The following DCDC2C variants were observed in gnomAD, a reference collection of about 807,000 sequenced individuals.
The protein encoded by DCDC2C is doublecortin domain-containing protein 2C.
In DCDC2C, 44 loss-of-function variants were observed where a neutral mutation model predicts 45.0. The ratio of observed to expected loss-of-function variants is 0.98; its 90% CI spans 0.77 to 1.26. The LOEUF (loss-of-function observed/expected upper bound fraction) is 1.26. Among genes scored for constraint, DCDC2C ranks in the 50% most tolerant of loss-of-function variants. DCDC2C has a pLI of 0.00. For synonymous variants in DCDC2C, 187 were observed against 178.8 expected (o/e 1.05, Z -0.37); for missense variants, 447 against 468.9 (o/e 0.95, Z 0.43).
In DCDC2C at chr2:3,715,000, T is replaced by C. The variant is rs529348244; in HGVS notation, c.339+6400T>C. Reference sequence around the variant, plus strand: ...ATTTAAAAGAAAAACATATTCATAATCCTATCATTCAGAGATTAACCACTG... The same window carrying C: ...ATTTAAAAGAAAAACATATTCATAACCCTATCATTCAGAGATTAACCACTG... On this transcript the variant is annotated intron_variant, in intron 2 of 10. Coordinates refer to ENST00000399143, the MANE Select transcript of DCDC2C (RefSeq NM_001287444.2). 9.8e-5 allele frequency among the ~76,000 whole-genome samples: 15 copies of C among 152,330 alleles called. No individual in the cohort carries two copies. In the East Asian group the frequency reaches 2.9e-3, roughly 29 times the overall value.
At chr2:3,802,320 T>C (rs1298181663) in intron 10 of DCDC2C, among the ~76,000 whole-genome samples, 2 of 152,250 alleles carry the variant, frequency 1.3e-5, no homozygotes, top group Non-Finnish European at 2.9e-5. Context: ...TAGGTTTGAC[T>C]GTTTCAGCCT....
At chr2:3,747,807 A>G (rs190310853) in intron 4 of DCDC2C, among the ~76,000 whole-genome samples, 1 of 152,332 alleles carries the variant, frequency 6.6e-6, no homozygotes, top group Admixed American at 6.5e-5. Context: ...GACACTGTCT[A>G]GTGGAGAGAC....
chr2:3,706,486 T>G (rs1312423249), intron 1 of DCDC2C, among the ~76,000 whole-genome samples: 1 of 152,210 alleles, frequency 6.6e-6, no homozygotes, highest in African/African-American at 2.4e-5. Context: ...ATTTCTTTTG[T>G]GGAGAAAGCC....
intron 10 of DCDC2C, among the ~76,000 whole-genome samples, chr2:3,786,277 G>A (rs1441181279): frequency 2.8e-5 from 4 of 144,738 alleles, no homozygotes; most frequent in Non-Finnish European, 4.5e-5. Flanking sequence ...GATGTTTCCC[G>A]CCCCCGCCCT....
intron 9 of DCDC2C, among the ~76,000 whole-genome samples, chr2:3,784,050 A>G (rs1240015386): frequency 6.6e-6 from 1 of 152,242 alleles, no homozygotes; most frequent in Non-Finnish European, 1.5e-5. Context: ...AAGAATACAA[A>G]TTTCCAAAAG....
chr2:3,800,151 C>A (rs1379139309), intron 10 of DCDC2C, among the ~76,000 whole-genome samples: 1 of 152,228 alleles, frequency 6.6e-6, no homozygotes, highest in African/African-American at 2.4e-5. Flanking sequence ...TCTGTCACCA[C>A]TTTCTCTGAC....
In DCDC2C at chr2:3,806,063, T is replaced by G. The variant is rs546192224; in HGVS notation, c.1065+20963T>G. 2.6e-5 allele frequency among the ~76,000 whole-genome samples: 4 copies of G among 152,156 alleles called. No individual in the cohort carries two copies. The East Asian group carries it at 7.7e-4, about 29-fold the overall frequency. On this transcript the variant is annotated intron_variant, in intron 10 of 10. Coordinates refer to ENST00000399143, the MANE Select transcript of DCDC2C (RefSeq NM_001287444.2). Reference sequence around the variant, plus strand: ...ATTGCCCAGGCTGGTCTTGACCTCCTGGACTCAAGTGATCCTCCTGCCTTG... The same window carrying G: ...ATTGCCCAGGCTGGTCTTGACCTCCGGGACTCAAGTGATCCTCCTGCCTTG...
At chr2:3,752,674 A>G in intron 4 of DCDC2C, 89 bp from the exon 5 acceptor site, 3 of 1,440,856 alleles carry the variant, frequency 2.1e-6, no homozygotes, top group Non-Finnish European at 2.9e-6. Context: ...TCCATGCACT[A>G]GTCATGTCAT....
intron 10 of DCDC2C, among the ~76,000 whole-genome samples, chr2:3,837,682 T>TG: frequency 2.9e-5 from 1 of 34,396 alleles, no homozygotes; most frequent in Admixed American, 3.1e-4. Context: ...TAGCAACAAT[T>TG]TTGCTAGACC....
At chr2:3,836,456 A>C (rs914619856) in intron 10 of DCDC2C, among the ~76,000 whole-genome samples, 3 of 152,214 alleles carry the variant, frequency 2.0e-5, no homozygotes, top group Admixed American at 6.5e-5. Flanking sequence ...AAATCCAAAT[A>C]AAGTCTGTTA....
At chr2:3,754,470 G>GT in intron 5 of DCDC2C, 122 bp from the exon 6 acceptor site, 1 of 907,396 alleles carries the variant, frequency 1.1e-6, no homozygotes, top group Middle Eastern at 2.2e-4. Context: ...CGTGTCCTCT[G>GT]TGGACAGCTT....
Position 3,801,727 on chromosome 2 carries a change from C to T in DCDC2C, c.1065+16627C>T, listed in dbSNP as rs956747075. Among the ~76,000 whole-genome samples, 4 of 152,230 alleles carry T rather than the reference C, an allele frequency of 2.6e-5. No homozygotes were observed. In the South Asian group the frequency reaches 6.2e-4, roughly 24 times the overall value. On this transcript the variant is annotated intron_variant, in intron 10 of 10. Coordinates refer to ENST00000399143, the MANE Select transcript of DCDC2C (RefSeq NM_001287444.2). ...TGCTCCTTGGCTTCTGTACTGGGAGCTTACAGACTCCTCCGAGGCTGAGAT... is the reference window on the plus strand; with the variant it reads ...TGCTCCTTGGCTTCTGTACTGGGAGTTTACAGACTCCTCCGAGGCTGAGAT...
At chr2:3,792,241 T>A (rs1670831021) in intron 10 of DCDC2C, among the ~76,000 whole-genome samples, 1 of 152,212 alleles carries the variant, frequency 6.6e-6, no homozygotes, top group African/African-American at 2.4e-5. Flanking sequence ...GAATAGGCCC[T>A]GGAGAAAACA....
chr2:3,760,225 G>T (rs1669841552), intron 6 of DCDC2C, among the ~76,000 whole-genome samples: 1 of 152,192 alleles, frequency 6.6e-6, no homozygotes, highest in Non-Finnish European at 1.5e-5. Context: ...TTTCCATTTT[G>T]AATAGAAGAA....
intron 6 of DCDC2C, among the ~76,000 whole-genome samples, chr2:3,762,797 C>A (rs547828006): frequency 1.1e-4 from 16 of 152,100 alleles, no homozygotes; most frequent in Non-Finnish European, 2.4e-4. Context: ...GGGAACAAGA[C>A]GACCTTTGAG....
chr2:3,786,058 CTTA>C (rs1209131704), intron 10 of DCDC2C, among the ~76,000 whole-genome samples: 1 of 152,230 alleles, frequency 6.6e-6, no homozygotes, highest in Non-Finnish European at 1.5e-5. Context: ...TACTTTTATT[CTTA>C]TTGTTAGAAA....
intron 10 of DCDC2C, among the ~76,000 whole-genome samples, chr2:3,802,291 T>G (rs1671133339): frequency 1.3e-5 from 2 of 152,216 alleles, no homozygotes; most frequent in Admixed American, 6.5e-5. Context: ...GGGGTGAAAG[T>G]CAGGTACTGC....
chr2:3,826,255 C>A (rs12052433), intron 10 of DCDC2C, among the ~76,000 whole-genome samples: 17,165 of 152,130 alleles, frequency 0.11, 1,262 homozygotes, highest in East Asian at 0.38. Flanking sequence ...TTAAAAACCC[C>A]ATAATAATAT....
At chr2:3,790,246 A>G (rs999145678) in intron 10 of DCDC2C, among the ~76,000 whole-genome samples, 3 of 152,246 alleles carry the variant, frequency 2.0e-5, no homozygotes, top group Non-Finnish European at 4.4e-5. Context: ...GCTACTAGCT[A>G]TTAGACAAGT....
Sources: allele counts gnomAD v4.1 joint callset (sites outside exome capture counted in the v4.1 genomes callset), GRCh38; gene constraint gnomAD v4.1.1; transcripts MANE v1.5; gene names NCBI Gene and HGNC (gene_info 2026-07-23, HGNC 2026-07-21).